The following HPSE2 variants were observed in gnomAD, a reference collection of about 807,000 sequenced individuals.
HPSE2 encodes the protein heparanase 2 (inactive).
A neutral mutation model predicts 60.5 loss-of-function variants in HPSE2; 38 were observed. That is an observed-to-expected ratio of 0.63 (90% CI 0.48 to 0.82). The LOEUF (loss-of-function observed/expected upper bound fraction) is 0.82, where lower values mean the gene tolerates loss of function less well. Ranked by LOEUF, HPSE2 falls within the 40% of genes least tolerant of loss-of-function variation. The probability of loss-of-function intolerance (pLI) is 0.00; values close to 1 mark genes in which losing one functional copy is unlikely to be tolerated. For synonymous variants in HPSE2, 295 were observed against 293.2 expected, an observed-to-expected ratio of 1.01 and a Z score of -0.06; for missense variants, 713 against 740.4, an observed-to-expected ratio of 0.96 and a Z score of 0.43.
At chr10:98,704,752 C>G (rs1340448879) in intron 5 of HPSE2, among the ~76,000 whole-genome samples, 5 of 152,030 alleles carry the variant, frequency 3.3e-5, no homozygotes, top group Admixed American at 1.3e-4. Context: ...CTTATACAAA[C>G]ATTAACTCAA....
intron 3 of HPSE2, among the ~76,000 whole-genome samples, chr10:98,924,244 A>G (rs374029383): frequency 1.1e-4 from 16 of 152,310 alleles, no homozygotes; most frequent in African/African-American, 3.6e-4. Context: ...TCTGTGCCGA[A>G]CCACCTGGAA....
chr10:99,153,570 AG>A, intron 2 of HPSE2, among the ~76,000 whole-genome samples: 1 of 151,498 alleles, frequency 6.6e-6, no homozygotes, highest in East Asian at 1.9e-4. Flanking sequence ...ACTAACAAAC[AG>A]AAAGGACATC....
rs374632052 is a variant in HPSE2, at chr10:99,137,720, C to T, written c.610+6518G>A. On this transcript the variant is annotated intron_variant, in intron 3 of 11. Transcript: ENST00000370552. The stretch of plus-strand genomic sequence containing the variant: ...AAACTGAAACTGGACCCCTTACTTA[C>T]ACCTTATACAAAAATCAACTCAAGA... Among the ~76,000 whole-genome samples, 45 of 152,278 alleles carry T rather than the reference C, an allele frequency of 3.0e-4. No individual in the cohort carries two copies. The East Asian group carries it at 6.6e-3, about 22-fold the overall frequency.
intron 9 of HPSE2, among the ~76,000 whole-genome samples, chr10:98,569,316 C>G (rs1944433180): frequency 1.3e-5 from 2 of 152,040 alleles, no homozygotes; most frequent in Non-Finnish European, 2.9e-5. Flanking sequence ...CCACCTTGGC[C>G]CCCCAAAGTG....
chr10:98,809,142 G>A (rs1211079125), intron 3 of HPSE2, among the ~76,000 whole-genome samples: 2 of 152,020 alleles, frequency 1.3e-5, no homozygotes, highest in African/African-American at 4.8e-5. Flanking sequence ...AATATACAAA[G>A]GTTCATTTGC....
rs36089500 is a variant in HPSE2, at chr10:98,965,438, TA to T, written c.610+178799del. ...ATAGTTGGGGTAAATACAAATTAAGTAAAAAAAAAAACAACTGACATGCATG... is the reference window on the plus strand; with the variant it reads ...ATAGTTGGGGTAAATACAAATTAAGTAAAAAAAAAACAACTGACATGCATG... On this transcript the variant is annotated intron_variant, in intron 3 of 11. Coordinates refer to ENST00000370552, the MANE Select transcript of HPSE2 (RefSeq NM_021828.5). Among the ~76,000 whole-genome samples the T allele has an allele frequency of 8.8e-4, 131 of 148,246 alleles. No individual in the cohort carries two copies. In the Middle Eastern group the frequency reaches 0.011, roughly 12 times the overall value.
chr10:99,074,549 T>A (rs1312146969), intron 3 of HPSE2, among the ~76,000 whole-genome samples: 1 of 152,186 alleles, frequency 6.6e-6, no homozygotes, highest in Non-Finnish European at 1.5e-5. Flanking sequence ...AGCTCTGGTA[T>A]CAGGGTAATG....
At chr10:99,292,146 T>C in the HPSE2 span, among the ~76,000 whole-genome samples, 1 of 151,078 alleles carries the variant, frequency 6.6e-6, no homozygotes, top group Non-Finnish European at 1.5e-5. Flanking sequence ...AGTAGAAGAG[T>C]ATGAAGGGAG....
chr10:98,905,800 A>G (rs997518630), intron 3 of HPSE2, among the ~76,000 whole-genome samples: 3 of 152,186 alleles, frequency 2.0e-5, no homozygotes, highest in Admixed American at 1.3e-4. Flanking sequence ...AAGGACACAA[A>G]CTGAAGAAAG....
intron 6 of HPSE2, among the ~76,000 whole-genome samples, chr10:98,656,383 C>T (rs1947063857): frequency 6.6e-6 from 1 of 152,144 alleles, no homozygotes; most frequent in South Asian, 2.1e-4. Flanking sequence ...CCATGCCCAG[C>T]CTTGAGTTTG....
intron 2 of HPSE2, among the ~76,000 whole-genome samples, chr10:99,195,971 T>G (rs975248415): frequency 6.6e-6 from 1 of 151,990 alleles, no homozygotes. Context: ...TGCAGAGGTA[T>G]AGTAACCAAA....
chr10:98,821,454 A>G (rs926210176), intron 3 of HPSE2, among the ~76,000 whole-genome samples: 37 of 152,342 alleles, frequency 2.4e-4, no homozygotes, highest in African/African-American at 7.9e-4. Context: ...AGGTATTACA[A>G]TTATGGGACA....
the HPSE2 span, among the ~76,000 whole-genome samples, chr10:99,305,979 G>GCGCGCACACA: frequency 1.2e-3 from 100 of 80,578 alleles, 1 homozygote; most frequent in East Asian, 2.9e-3. Context: ...GCGCGCGCGC[G>GCGCGCACACA]CACACACACA....
chr10:99,204,204 G>A (rs968201901), intron 2 of HPSE2, among the ~76,000 whole-genome samples: 4 of 151,904 alleles, frequency 2.6e-5, no homozygotes, highest in African/African-American at 7.3e-5. Flanking sequence ...ACCTAGGCTC[G>A]AGGCCCAATC....
At chr10:98,942,083 G>C (rs1278169877) in intron 3 of HPSE2, among the ~76,000 whole-genome samples, 1 of 142,588 alleles carries the variant, frequency 7.0e-6, no homozygotes, top group Non-Finnish European at 1.5e-5. Context: ...ATTAATTCAA[G>C]ATGGATTAAA....
intron 2 of HPSE2, among the ~76,000 whole-genome samples, chr10:99,178,194 T>C (rs937617343): frequency 6.6e-6 from 1 of 151,096 alleles, no homozygotes; most frequent in South Asian, 2.1e-4. Context: ...CACTGTAACA[T>C]CACAATTAAA....
intron 3 of HPSE2, among the ~76,000 whole-genome samples, chr10:98,946,648 T>C (rs1287332495): frequency 6.6e-6 from 1 of 152,150 alleles, no homozygotes; most frequent in Admixed American, 6.5e-5. Context: ...AAAAATTGAA[T>C]GTTGTGAAGA....
Position 98,546,099 on chromosome 10 carries a change from A to T in HPSE2, c.1321-55903T>A, listed in dbSNP as rs1200555904. ...TACCTAGGAATCCAACTTACAAGGG[A>T]TGTGAAGGACCTCTTCAAGGAGAAC... is the stretch of plus-strand genomic sequence containing the variant. On this transcript the variant is annotated intron_variant, in intron 9 of 11. Coordinates refer to ENST00000370552, the MANE Select transcript of HPSE2 (RefSeq NM_021828.5). Among the ~76,000 whole-genome samples, 8 of 133,312 alleles carry T rather than the reference A, an allele frequency of 6.0e-5. 3 individuals carry two copies. The highest frequency in any genetic ancestry group is 1.4e-4 in the Non-Finnish European group (8 of 59,248). The allele number at this position is 133,312 out of a possible 152,430, so 87.5% of individuals were successfully genotyped here.
chr10:99,154,829 C>T (rs1846462258), intron 2 of HPSE2, among the ~76,000 whole-genome samples: 3 of 151,984 alleles, frequency 2.0e-5, no homozygotes, highest in Admixed American at 2.0e-4. Context: ...AGAGTCAAGA[C>T]CCATCAGTGT....
Sources: allele counts gnomAD v4.1 joint callset (sites outside exome capture counted in the v4.1 genomes callset), GRCh38; gene constraint gnomAD v4.1.1; transcripts MANE v1.5; gene names NCBI Gene and HGNC (gene_info 2026-07-23, HGNC 2026-07-21).